Variants in RNF151 observed in about 807,000 individuals in gnomAD.
RNF151 encodes ring finger protein 151.
Under a neutral mutation model 11.1 loss-of-function variants are expected in RNF151, and 9 were observed. That is an observed-to-expected ratio of 0.81 (90% confidence interval 0.49 to 1.42). The LOEUF is 1.42. Among genes scored for constraint, RNF151 ranks in the 40% most tolerant of loss-of-function variants. The probability of loss-of-function intolerance (pLI) is 0.00; values close to 1 mark genes in which losing one functional copy is unlikely to be tolerated. For missense variants in RNF151, 372 were observed against 342.9 expected, an observed-to-expected ratio of 1.08 and a Z score of -0.67; for synonymous variants, 172 against 140.7, an observed-to-expected ratio of 1.22 and a Z score of -1.58.
At chr16:1,966,989 C>T in intron 1 of RNF151, 105 bp downstream of exon 1, 1 of 1,331,598 alleles carries the variant, frequency 7.5e-7, no homozygotes, top group Non-Finnish European at 1.0e-6. Flanking sequence ...AAAGGGTGGG[C>T]AATGGGTTGC....
chr16:1,968,550 G>A lies in RNF151; in HGVS notation c.363G>A (p.Gln121=), dbSNP rs771801490. ...GCCCCAACGAGGGCTGCACCTCGCA[G>A]GTGCCGCGTGGGACCCTGGCAGAGC... The part of the protein sequence containing the change: ...TACPNEGCTS[Q]VPRGTLAEHR... The change falls in exon 4 of 4, where the codon CAG becomes CAA. Residue 121 remains glutamine, a synonymous_variant. Transcript: ENST00000569714. 1 of 1,608,986 alleles carries A rather than the reference G, an allele frequency of 6.2e-7. No homozygotes were observed. The highest frequency in any genetic ancestry group is 1.7e-5 in the Admixed American group (1 of 59,798).
In RNF151 at chr16:1,966,955, AGGGAT is replaced by A. The variant is rs1889992050; in HGVS notation, c.3+72_3+76del. 16 of 1,501,228 alleles carry A rather than the reference AGGGAT, an allele frequency of 1.1e-5. No individual in the cohort carries two copies. In the South Asian group the frequency reaches 1.9e-4, roughly 18 times the overall value. The allele number at this position is 1,501,228 out of a possible 1,614,324, so 93.0% of individuals were successfully genotyped here. On this transcript the variant is annotated intron_variant, in intron 1 of 3. Coordinates refer to ENST00000569714, the MANE Select transcript of RNF151 (RefSeq NM_174903.6). ...ACTCCAGAAACCTGCCCAGTTGTCCAGGGATCGACCCCACTCCACTCGGAAAGGGT... is the reference window on the plus strand; with the variant it reads ...ACTCCAGAAACCTGCCCAGTTGTCCACGACCCCACTCCACTCGGAAAGGGT...
rs1017716686 is a variant in RNF151, at chr16:1,968,415, C to T, written c.247-19C>T. On this transcript the variant is annotated intron_variant, in intron 3 of 3. Coordinates refer to ENST00000569714, the MANE Select transcript of RNF151 (RefSeq NM_174903.6). Reference sequence around the variant, plus strand: ...GGGTGTCCTGCCCGGTTTCTTCACACGTTCTCCTTCACCCTCAGTGCAAGA... The same window carrying T: ...GGGTGTCCTGCCCGGTTTCTTCACATGTTCTCCTTCACCCTCAGTGCAAGA... 7 of 1,515,548 alleles carry T rather than the reference C, an allele frequency of 4.6e-6. No individual in the cohort carries two copies. Among genetic ancestry groups the T allele is most frequent in the South Asian group, 3.8e-5 (3 of 78,520 alleles). 93.9% of individuals were successfully genotyped at this position (1,515,548 alleles called of 1,614,324 possible).
Position 1,968,832 on chromosome 16 carries a change from G to T in RNF151, c.645G>T (p.Glu215Asp). 6.3e-7 allele frequency: 1 copy of T among 1,594,508 alleles called. No individual in the cohort carries two copies. Among genetic ancestry groups the T allele is most frequent in the East Asian group, 2.3e-5 (1 of 44,058 alleles). Residue 215 changes from glutamate (E) to aspartate (D), a missense_variant, in exon 4 of 4, where the codon GAG becomes GAT. By Grantham distance (45) the Glu-to-Asp change is conservative. Coordinates refer to ENST00000569714, the MANE Select transcript of RNF151 (RefSeq NM_174903.6). ...NFLEEDTALL[E>D]GAPQEEAEAA... ...TGGAGGAAGACACCGCTCTGCTGGA[G>T]GGTGCCCCACAGGAGGAGGCCGAGG...
At position 1,968,724 on chromosome 16, in the gene RNF151, G is replaced by A. The variant is rs1177176435; in HGVS notation, c.537G>A (p.Leu179=). ...GCCAGGAGCGCCGTCGGCCCCTGCT[G>A]CTGTCCCTCCTGCGGCGTGTGCGCT... The part of the protein sequence containing the change: ...SVRQERRRPL[L]LSLLRRVRWL... Residue 179 remains leucine (L), a synonymous_variant, in exon 4 of 4, where the codon CTG becomes CTA. Coordinates refer to ENST00000569714, the MANE Select transcript of RNF151 (RefSeq NM_174903.6). The A allele has an allele frequency of 1.3e-6, 2 of 1,569,728 alleles. No individual in the cohort carries two copies.
At chr16:1,967,024 CCTT>C (rs1007888531) in intron 1 of RNF151, 140 bp downstream of exon 1, 60 of 1,143,418 alleles carry the variant, frequency 5.2e-5, no homozygotes, top group South Asian at 9.5e-5. Context: ...TACAAGGAAA[CCTT>C]CTGGAAGGCT....
At chr16:1,967,017 A>G (rs892399034) in intron 1 of RNF151, 133 bp downstream of exon 1, 19 of 1,165,320 alleles carry the variant, frequency 1.6e-5, no homozygotes, top group Admixed American at 4.7e-5. Flanking sequence ...CATATGGTAC[A>G]AGGAAACCTT....
At chr16:1,968,030 TG>T (rs1401367628) in intron 3 of RNF151, 1 of 701,674 alleles carries the variant, frequency 1.4e-6, no homozygotes, top group Non-Finnish European at 2.6e-6. Flanking sequence ...TCCAAGCCCC[TG>T]GGTTAGAAAA....
intron 2 of RNF151, 109 bp downstream of exon 2, chr16:1,967,528 C>T: frequency 8.9e-7 from 1 of 1,121,740 alleles, no homozygotes; most frequent in South Asian, 1.5e-5. Flanking sequence ...CACCAAATCT[C>T]CCTAAACTAA....
chr16:1,968,326 A>T, intron 3 of RNF151, 108 bp from the exon 4 acceptor site: 1 of 1,363,150 alleles, frequency 7.3e-7, no homozygotes, highest in Non-Finnish European at 9.7e-7. Context: ...GAGTCAGAAA[A>T]GCGTGGGAGG....
At chr16:1,968,197 C>G (rs1214825358) in intron 3 of RNF151, among the ~76,000 whole-genome samples, 1 of 152,202 alleles carries the variant, frequency 6.6e-6, no homozygotes, top group Non-Finnish European at 1.5e-5. Flanking sequence ...ACTCACCAGA[C>G]CAACCCAACT....
At chr16:1,967,179 C>A in intron 1 of RNF151, 95 bp from the exon 2 acceptor site, 1 of 1,484,226 alleles carries the variant, frequency 6.7e-7, no homozygotes, top group Non-Finnish European at 9.1e-7. Flanking sequence ...TGTGGCCCAC[C>A]TCCCTGCCAA....
rs899472049 is a variant in RNF151, at chr16:1,967,186, C to T, written c.4-88C>T. 18 of 1,505,830 alleles carry T rather than the reference C, an allele frequency of 1.2e-5. No homozygotes were observed. The African/African-American group carries it at 2.2e-4, about 19-fold the overall frequency. The allele number at this position is 1,505,830 out of a possible 1,614,324, so 93.3% of individuals were successfully genotyped here. ...TGAAGTTCTGTGGCCCACCTCCCTGCCAAAAGCTTGCTGGGCTCTCTTGCT... is the reference window on the plus strand; with the variant it reads ...TGAAGTTCTGTGGCCCACCTCCCTGTCAAAAGCTTGCTGGGCTCTCTTGCT... On this transcript the variant is annotated intron_variant, in intron 1 of 3. Transcript: ENST00000569714.
rs1379797124 is a variant in RNF151, at chr16:1,967,569, C to T, written c.149+150C>T. 6 of 953,096 alleles carry T rather than the reference C, an allele frequency of 6.3e-6. No homozygotes were observed. In the African/African-American group the frequency reaches 8.2e-5, roughly 13 times the overall value. The allele number at this position is 953,096 out of a possible 1,614,324, so 59.0% of individuals were successfully genotyped here. A position where few individuals can be genotyped will look rare whatever the true frequency, so the allele number is the denominator to read the frequency against. On this transcript the variant is annotated intron_variant, in intron 2 of 3. Coordinates refer to ENST00000569714, the MANE Select transcript of RNF151 (RefSeq NM_174903.6). ...GTGTACCCTCACTCAGTAGTGTCTGCAGACCCCGGCCCCACCCTCAGAGCT... is the reference window on the plus strand; with the variant it reads ...GTGTACCCTCACTCAGTAGTGTCTGTAGACCCCGGCCCCACCCTCAGAGCT...
Position 1,968,733 on chromosome 16 carries a change from C to A in RNF151, c.546C>A (p.Leu182=), listed in dbSNP as rs371546475. 1.5e-5 allele frequency: 23 copies of A among 1,571,288 alleles called. No homozygotes were observed. The highest frequency in any genetic ancestry group is 2.7e-5 in the African/African-American group (2 of 73,806). The part of the protein sequence containing the change: ...QERRRPLLLS[L]LRRVRWLDQA... ...GCCGTCGGCCCCTGCTGCTGTCCCT[C>A]CTGCGGCGTGTGCGCTGGCTGGACC... Residue 182 remains leucine, a synonymous_variant, in exon 4 of 4, where the codon CTC becomes CTA. Transcript: ENST00000569714.
In RNF151 at chr16:1,967,780, A is replaced by C. The variant is rs571773908; in HGVS notation, c.205A>C (p.Met69Leu). 4 of 1,612,102 alleles carry C rather than the reference A, an allele frequency of 2.5e-6. No individual in the cohort carries two copies. The highest frequency in any genetic ancestry group is 3.4e-6 in the Non-Finnish European group (4 of 1,179,156). The change falls in exon 3 of 4, where the codon ATG becomes CTG. Residue 69 changes from methionine (M) to leucine (L), a missense_variant. Met to Leu is a conservative substitution (Grantham distance 15). Transcript: ENST00000569714. ...KEVKRKKVVH[M>L]NKLRKTIGRL... ...GGTGAAAAGGAAAAAGGTTGTCCAC[A>C]TGAATAAACTCCGGAAAACCATTGG... is the stretch of plus-strand genomic sequence containing the variant.
At chr16:1,968,946 G>GGCCT in exon 4 of RNF151, 1 of 1,554,234 alleles carries the variant, frequency 6.4e-7, no homozygotes, top group Non-Finnish European at 8.7e-7. Context: ...GCAGACCCCC[G>GGCCT]GCCTGCCTGC....
In RNF151 at chr16:1,968,747, G is replaced by A. The variant is rs1016976713; in HGVS notation, c.560G>A (p.Arg187His). The change falls in exon 4 of 4, where the codon CGC becomes CAC. Residue 187 changes from arginine to histidine, a missense_variant. Physicochemically the swap from Arg to His is conservative, Grantham distance 29. Transcript: ENST00000569714. ...CTGCTGTCCCTCCTGCGGCGTGTGC[G>A]CTGGCTGGACCAAGCCACCAGTGTC... The part of the protein sequence containing the change: ...PLLLSLLRRV[R>H]WLDQATSVVR... 1.3e-5 allele frequency: 21 copies of A among 1,576,968 alleles called. No individual in the cohort carries two copies. Among genetic ancestry groups the A allele is most frequent in the Middle Eastern group, 1.7e-4 (1 of 6,048 alleles).
At chr16:1,968,018 T>G (rs1297462085) in intron 3 of RNF151, 197 bp downstream of exon 3, 1 of 704,056 alleles carries the variant, frequency 1.4e-6, no homozygotes, top group Admixed American at 2.0e-5. Flanking sequence ...TCACCTAACT[T>G]TTCCAAGCCC....
Sources: gnomAD v4.1 joint callset for allele counts (sites outside exome capture counted in the v4.1 genomes callset) on GRCh38, gnomAD v4.1.1 for gene constraint, MANE v1.5 for transcripts, NCBI Gene and HGNC (gene_info 2026-07-23, HGNC 2026-07-21) for gene names.